The following PLCB1 variants were observed in gnomAD, a reference collection of about 807,000 sequenced individuals.
PLCB1 encodes 1-phosphatidylinositol 4,5-bisphosphate phosphodiesterase beta-1.
A neutral mutation model predicts 161.8 loss-of-function variants in PLCB1; 46 were observed. The ratio of observed to expected loss-of-function variants is 0.28; its 90% confidence interval spans 0.22 to 0.36. The LOEUF (loss-of-function observed/expected upper bound fraction) is 0.36, where lower values mean the gene tolerates loss of function less well. PLCB1 is among the 10% of genes least tolerant of loss of function. The pLI is 1.00. For missense variants in PLCB1, 1,016 were observed against 1,472.5 expected (o/e 0.69, Z 5.07); for synonymous variants, 517 against 503.7 (o/e 1.03, Z -0.35).
chr20:8,368,634 T>C (rs540809739), intron 2 of PLCB1, among the ~76,000 whole-genome samples: 59 of 152,140 alleles, frequency 3.9e-4, no homozygotes, highest in African/African-American at 1.2e-3. Flanking sequence ...CCTATATAGA[T>C]GTAAAACATC....
At chr20:8,670,674 A>G (rs570979971) in intron 9 of PLCB1, among the ~76,000 whole-genome samples, 21 of 152,346 alleles carry the variant, frequency 1.4e-4, no homozygotes, top group African/African-American at 4.6e-4. Flanking sequence ...ATGGTAAAAT[A>G]ATGAAAGAAG....
intron 2 of PLCB1, among the ~76,000 whole-genome samples, chr20:8,286,190 A>G (rs6086389): frequency 0.36 from 54,894 of 152,014 alleles, 10,841 homozygotes; most frequent in African/African-American, 0.51. Flanking sequence ...CGGGCGTGGT[A>G]GCATATGCCT....
chr20:8,273,540 G>A (rs1057381100), intron 2 of PLCB1, among the ~76,000 whole-genome samples: 1 of 152,082 alleles, frequency 6.6e-6, no homozygotes, highest in Non-Finnish European at 1.5e-5. Context: ...TAATAGTGCT[G>A]CTTTGCCACT....
At chr20:8,399,634 C>G (rs1313000008) in intron 3 of PLCB1, among the ~76,000 whole-genome samples, 1 of 152,122 alleles carries the variant, frequency 6.6e-6, no homozygotes, top group Admixed American at 6.6e-5. Flanking sequence ...TCTCTGCTTT[C>G]CAACAACCAC....
intron 3 of PLCB1, among the ~76,000 whole-genome samples, chr20:8,541,663 C>G (rs955490415): frequency 1.3e-5 from 2 of 152,024 alleles, no homozygotes; most frequent in African/African-American, 4.8e-5. Flanking sequence ...GAGAGTTCAT[C>G]AGATGTATAA....
intron 23 of PLCB1, among the ~76,000 whole-genome samples, chr20:8,744,811 T>C (rs933789051): frequency 1.3e-5 from 2 of 152,084 alleles, no homozygotes; most frequent in African/African-American, 4.8e-5. Flanking sequence ...CTCTAAAGAA[T>C]GAGAGACATA....
chr20:8,719,065 G>A (rs533259401), intron 14 of PLCB1, among the ~76,000 whole-genome samples: 31 of 152,140 alleles, frequency 2.0e-4, no homozygotes, highest in African/African-American at 6.5e-4. Flanking sequence ...CATTTCCTTG[G>A]GATTATTTGT....
chr20:8,643,440 A>T (rs1338147173), intron 4 of PLCB1, among the ~76,000 whole-genome samples: 1 of 151,870 alleles, frequency 6.6e-6, no homozygotes, highest in Admixed American at 6.6e-5. Flanking sequence ...TTCTTTTCCC[A>T]GTTTTCTCTG....
intron 3 of PLCB1, among the ~76,000 whole-genome samples, chr20:8,498,288 A>T (rs1568700102): frequency 6.6e-6 from 1 of 151,330 alleles, no homozygotes; most frequent in Non-Finnish European, 1.5e-5. Context: ...AGTAAGATGG[A>T]GTTTCACCAT....
intron 2 of PLCB1, among the ~76,000 whole-genome samples, chr20:8,178,889 C>A (rs1168472029): frequency 1.3e-5 from 2 of 152,134 alleles, no homozygotes; most frequent in Non-Finnish European, 2.9e-5. Context: ...ATTGAATAGG[C>A]AATCCATTCC....
chr20:8,722,501 C>A, intron 15 of PLCB1, 80 bp downstream of exon 15: 2 of 954,814 alleles, frequency 2.1e-6, no homozygotes, highest in Non-Finnish European at 3.0e-6. Flanking sequence ...TCACTTTCTG[C>A]CATCTAGTGG....
At chr20:8,444,086 A>G (rs1395022948) in intron 3 of PLCB1, among the ~76,000 whole-genome samples, 1 of 152,050 alleles carries the variant, frequency 6.6e-6, no homozygotes, top group Non-Finnish European at 1.5e-5. Context: ...CATGTGCACA[A>G]TGTGCAGGTT....
chr20:8,393,126 A>G (rs1987659867), intron 3 of PLCB1, among the ~76,000 whole-genome samples: 1 of 152,146 alleles, frequency 6.6e-6, no homozygotes, highest in Admixed American at 6.5e-5. Context: ...CACACCTAAT[A>G]CATTTTCTCT....
In PLCB1 at chr20:8,293,581, C is replaced by A. The variant is rs572988640; in HGVS notation, c.178-77801C>A. ...TTTCTGGTACACTGGAAGTCTGGTGCCATTGTCTTGATTTGTATGAAGACA... is the reference window on the plus strand; with the variant it reads ...TTTCTGGTACACTGGAAGTCTGGTGACATTGTCTTGATTTGTATGAAGACA... On this transcript the variant is annotated intron_variant, in intron 2 of 31. Coordinates refer to ENST00000338037, the MANE Select transcript of PLCB1 (RefSeq NM_015192.4). Among the ~76,000 whole-genome samples, 3 of 151,696 alleles carry A rather than the reference C, an allele frequency of 2.0e-5. No individual in the cohort carries two copies. In the East Asian group the frequency reaches 5.8e-4, roughly 30 times the overall value.
intron 3 of PLCB1, among the ~76,000 whole-genome samples, chr20:8,577,120 A>G (rs989614711): frequency 6.6e-6 from 1 of 152,192 alleles, no homozygotes. Flanking sequence ...TAGACATACA[A>G]AAGATAAATA....
rs375933636 is a variant in PLCB1 at position 8,734,084 on chromosome 20, C to T, written c.2043+692C>T. ...TGGAGCTTGCAGAGAGCCCAGATCG[C>T]GCCACTGCACTCCAGCCTGGGCGAC... On this transcript the variant is annotated intron_variant, in intron 19 of 31. Transcript: ENST00000338037. 1.7e-4 allele frequency among the ~76,000 whole-genome samples: 23 copies of T among 136,052 alleles called. No individual in the cohort carries two copies. The East Asian group carries it at 4.4e-3, about 26-fold the overall frequency. The allele number at this position is 136,052 out of a possible 152,430, so 89.3% of individuals were successfully genotyped here.
At chr20:8,504,627 C>T (rs895729414) in intron 3 of PLCB1, among the ~76,000 whole-genome samples, 7 of 152,074 alleles carry the variant, frequency 4.6e-5, no homozygotes, top group South Asian at 2.1e-4. Context: ...CCTCCTCTTT[C>T]GCTTATATTT....
intron 9 of PLCB1, among the ~76,000 whole-genome samples, chr20:8,680,753 T>C (rs1990190694): frequency 6.6e-6 from 1 of 152,078 alleles, no homozygotes; most frequent in South Asian, 2.1e-4. Flanking sequence ...AATATAATTA[T>C]AAATTATCCT....
intron 31 of PLCB1, among the ~76,000 whole-genome samples, chr20:8,830,100 C>G (rs781145542): frequency 6.6e-6 from 1 of 152,248 alleles, no homozygotes; most frequent in African/African-American, 2.4e-5. Flanking sequence ...CACTGCGTAT[C>G]GTTTCCAGAG....
Sources: allele counts gnomAD v4.1 joint callset (sites outside exome capture counted in the v4.1 genomes callset), GRCh38; gene constraint gnomAD v4.1.1; transcripts MANE v1.5; gene names NCBI Gene and HGNC (gene_info 2026-07-23, HGNC 2026-07-21).